Variants in PCDHA4 observed in about 807,000 individuals in gnomAD.
PCDHA4 encodes the protein protocadherin alpha 4.
PCDHA4 carries 49 observed loss-of-function variants against 61.4 expected under a neutral mutation model. That is an observed-to-expected ratio of 0.80 (90% CI 0.63 to 1.01). The LOEUF is 1.01. Among genes scored for constraint, PCDHA4 ranks in the 50% least tolerant of loss-of-function variants. PCDHA4 has a pLI of 0.00. For synonymous variants in PCDHA4, 590 were observed against 550.3 expected (o/e 1.07, Z -1.01); for missense variants, 1,254 against 1,235.8 (o/e 1.01, Z -0.22).
chr5:140,882,382 A>G (rs782774831), intron 1 of PCDHA4: 5 of 1,614,092 alleles, frequency 3.1e-6, no homozygotes, highest in Non-Finnish European at 4.2e-6. Context: ...TCCCCGAGGA[A>G]GCAAAACACG....
chr5:140,877,868 T>A, intron 1 of PCDHA4: 1 of 1,488,916 alleles, frequency 6.7e-7, no homozygotes, highest in Non-Finnish European at 8.9e-7. Context: ...TTAGATATAT[T>A]TGTTTCCTTG....
chr5:140,912,794 C>T (rs1554195532), intron 1 of PCDHA4, among the ~76,000 whole-genome samples: 1 of 151,998 alleles, frequency 6.6e-6, no homozygotes, highest in South Asian at 2.1e-4. Context: ...TGCCAATTTT[C>T]TTGAGGGTTT....
At chr5:140,881,340 C>T (rs782406068) in intron 1 of PCDHA4, 10 of 984,934 alleles carry the variant, frequency 1.0e-5, no homozygotes, top group African/African-American at 5.2e-5. Context: ...GACGCCGATT[C>T]GGGCTACAAT....
In PCDHA4 at chr5:140,857,269, G is replaced by T. The variant is rs375802816; in HGVS notation, c.2385+47697G>T. 8.1e-6 allele frequency: 13 copies of T among 1,598,726 alleles called. 1 individual carries two copies. The highest frequency in any genetic ancestry group is 1.1e-5 in the South Asian group (1 of 90,558). On this transcript the variant is annotated intron_variant, in intron 1 of 3. Coordinates refer to ENST00000530339, the MANE Select transcript of PCDHA4 (RefSeq NM_018907.4). ...CCTACAAGAATTACTACTCATTGGT[G>T]CTGGACAGCGCTCTGGACCGCGAGA... is the stretch of plus-strand genomic sequence containing the variant.
intron 1 of PCDHA4, chr5:140,862,036 A>G (rs1554155572): frequency 6.4e-6 from 1 of 155,636 alleles, no homozygotes; most frequent in African/African-American, 2.4e-5. Flanking sequence ...CGAGGGTTCA[A>G]ACCGTCACAT....
chr5:140,857,694 C>G (rs1554150531), intron 1 of PCDHA4: 3 of 1,597,142 alleles, frequency 1.9e-6, no homozygotes, highest in South Asian at 1.1e-5. Context: ...AGCAACTTGA[C>G]GCTGCAGGTG....
At chr5:140,932,312 T>C (rs2088188856) in intron 1 of PCDHA4, among the ~76,000 whole-genome samples, 1 of 151,922 alleles carries the variant, frequency 6.6e-6, no homozygotes, top group Admixed American at 6.6e-5. Context: ...GGTATAAATA[T>C]ATTAATGTAG....
chr5:140,848,439 G>A (rs2150410405), intron 1 of PCDHA4: 1 of 1,486,148 alleles, frequency 6.7e-7, no homozygotes, highest in African/African-American at 1.4e-5. Flanking sequence ...GAAATCAGAT[G>A]ATTTCTTCTA....
intron 3 of PCDHA4, among the ~76,000 whole-genome samples, chr5:141,005,731 A>AC (rs2098235322): frequency 6.7e-6 from 1 of 149,106 alleles, no homozygotes; most frequent in Non-Finnish European, 1.5e-5. Flanking sequence ...AAAAAAAAAA[A>AC]GAATGGATGA....
chr5:140,980,545 G>A lies in PCDHA4; in HGVS notation c.2444+1538G>A, dbSNP rs190037193. ...CTAGGGAGGCTGAGGCAGGAGAATC[G>A]CTTGAACCCGGGAGGCGGAAGTTGC... On this transcript the variant is annotated intron_variant, in intron 2 of 3. Transcript: ENST00000530339. 4.1e-3 allele frequency among the ~76,000 whole-genome samples: 627 copies of A among 152,232 alleles called. 4 individuals are homozygous for A. Among genetic ancestry groups the A allele is most frequent in the Non-Finnish European group, 6.8e-3 (460 of 67,996 alleles).
rs1554206991 is a variant in PCDHA4, at chr5:140,929,323, A to G, written c.2386-49626A>G. 4 of 1,540,320 alleles carry G rather than the reference A, an allele frequency of 2.6e-6. No homozygotes were observed. In the Admixed American group the frequency reaches 8.1e-5, roughly 31 times the overall value. On this transcript the variant is annotated intron_variant, in intron 1 of 3. Transcript: ENST00000530339. ...AGGGGATCACGCTAATGTCAATGCC[A>G]TGGTAAGCAAATTTTATGGAATTTG...
intron 1 of PCDHA4, chr5:140,866,014 C>A (rs187025106): frequency 1.3e-5 from 2 of 152,026 alleles, no homozygotes; most frequent in East Asian, 3.9e-4. Flanking sequence ...TGATTTTTTT[C>A]TTGTAAGAGT....
intron 1 of PCDHA4, among the ~76,000 whole-genome samples, chr5:140,855,699 C>A (rs901621120): frequency 6.7e-6 from 1 of 149,362 alleles, no homozygotes; most frequent in Non-Finnish European, 1.5e-5. Context: ...AAACATTGCA[C>A]GTGGGATCAA....
intron 1 of PCDHA4, chr5:140,877,946 C>A: frequency 7.4e-7 from 1 of 1,349,556 alleles, no homozygotes; most frequent in Non-Finnish European, 9.7e-7. Flanking sequence ...TTTAAACTAT[C>A]GAATGTCTCA....
At chr5:140,822,931 T>C (rs2150120508) in intron 1 of PCDHA4, 1 of 1,614,276 alleles carries the variant, frequency 6.2e-7, no homozygotes, top group Non-Finnish European at 8.5e-7. Flanking sequence ...GCAGGTGACC[T>C]GCTCCCTAAT....
chr5:140,946,277 A>G (rs1055326524), intron 1 of PCDHA4, among the ~76,000 whole-genome samples: 5 of 152,186 alleles, frequency 3.3e-5, no homozygotes, highest in Admixed American at 1.3e-4. Context: ...TAAAACCCCA[A>G]TGAGATATCA....
intron 1 of PCDHA4, chr5:140,836,897 G>C: frequency 3.3e-6 from 2 of 603,578 alleles, no homozygotes; most frequent in Non-Finnish European, 5.5e-6. Flanking sequence ...TTGGAAGTAC[G>C]TTTAATATAC....
intron 1 of PCDHA4, among the ~76,000 whole-genome samples, chr5:140,894,786 C>T (rs990092948): frequency 6.6e-6 from 1 of 151,576 alleles, no homozygotes; most frequent in Non-Finnish European, 1.5e-5. Flanking sequence ...AATTATTTGT[C>T]CTCTCCTTTA....
At chr5:140,875,588 C>T in intron 1 of PCDHA4, 1 of 1,613,954 alleles carries the variant, frequency 6.2e-7, no homozygotes, top group Non-Finnish European at 8.5e-7. Flanking sequence ...TACGAGGAGG[C>T]CAAACACGGC....
Sources: gnomAD v4.1 joint callset for allele counts (sites outside exome capture counted in the v4.1 genomes callset) on GRCh38, gnomAD v4.1.1 for gene constraint, MANE v1.5 for transcripts, NCBI Gene and HGNC (gene_info 2026-07-23, HGNC 2026-07-21) for gene names.